Variants in NRXN1 observed in about 807,000 individuals in gnomAD.
The protein encoded by NRXN1 is neurexin 1.
Under a neutral mutation model 150.9 loss-of-function variants are expected in NRXN1, and 39 were observed. The observed-to-expected ratio is 0.26, with a 90% CI of 0.20 to 0.34. NRXN1 has a LOEUF of 0.34. Ranked by LOEUF, NRXN1 falls within the 10% of genes least tolerant of loss-of-function variation. The pLI is 1.00. For missense variants in NRXN1, 1,815 were observed against 1,949.9 expected, an observed-to-expected ratio of 0.93 and a Z score of 1.30; for synonymous variants, 924 against 757.0, an observed-to-expected ratio of 1.22 and a Z score of -3.62.
At chr2:50,378,885 T>G (rs1169611311) in intron 17 of NRXN1, among the ~76,000 whole-genome samples, 1 of 152,116 alleles carries the variant, frequency 6.6e-6, no homozygotes, top group African/African-American at 2.4e-5. Context: ...CACACACATA[T>G]GGGTTGCCGG....
At chr2:50,995,228 A>C (rs1558554097) in intron 2 of NRXN1, among the ~76,000 whole-genome samples, 1 of 151,992 alleles carries the variant, frequency 6.6e-6, no homozygotes, top group Non-Finnish European at 1.5e-5. Context: ...ATAGTTTTCC[A>C]GATGAGGACA....
In NRXN1 at chr2:50,526,751, A is replaced by C. The variant is rs1336990831; in HGVS notation, c.2374+1874T>G. ...CCAGTGACTGCTGTCAAGTTAAGGA[A>C]TGTGCAGTCCTGTCCGATGTGTACA... is the stretch of plus-strand genomic sequence containing the variant. On this transcript the variant is annotated intron_variant, in intron 12 of 22. Transcript: ENST00000401669. 2.6e-5 allele frequency: 4 copies of C among 152,214 alleles called. No individual in the cohort carries two copies. In the East Asian group the frequency reaches 7.7e-4, roughly 29 times the overall value. The allele number at this position is 152,214 out of a possible 1,614,324, so 9.4% of individuals were successfully genotyped here.
intron 15 of NRXN1, among the ~76,000 whole-genome samples, chr2:50,495,164 G>C (rs1012756236): frequency 7.2e-5 from 11 of 152,064 alleles, no homozygotes; most frequent in African/African-American, 7.2e-5. Flanking sequence ...AATTAGATGG[G>C]ATACACACAT....
intron 17 of NRXN1, among the ~76,000 whole-genome samples, chr2:50,310,020 G>T (rs1014008080): frequency 6.6e-6 from 1 of 152,156 alleles, no homozygotes; most frequent in East Asian, 1.9e-4. Context: ...TTCAGTTCCA[G>T]ATGGTATATG....
At chr2:49,953,475 T>C (rs778942500) in intron 21 of NRXN1, among the ~76,000 whole-genome samples, 7 of 152,050 alleles carry the variant, frequency 4.6e-5, no homozygotes, top group Non-Finnish European at 8.8e-5. Flanking sequence ...CTGGTGCACA[T>C]TGGTTCTTTA....
At chr2:49,958,676 A>G (rs568922602) in intron 21 of NRXN1, among the ~76,000 whole-genome samples, 31 of 152,252 alleles carry the variant, frequency 2.0e-4, no homozygotes, top group African/African-American at 7.0e-4. Flanking sequence ...TTTCTTGATG[A>G]TTTGGTGTCA....
At chr2:50,381,219 T>C (rs1281962433) in intron 17 of NRXN1, among the ~76,000 whole-genome samples, 1 of 148,788 alleles carries the variant, frequency 6.7e-6, no homozygotes, top group African/African-American at 2.5e-5. Context: ...AAGTTTCATA[T>C]ACTTATGAGG....
intron 17 of NRXN1, among the ~76,000 whole-genome samples, chr2:50,254,817 T>C (rs2067534688): frequency 6.6e-6 from 1 of 152,120 alleles, no homozygotes; most frequent in Non-Finnish European, 1.5e-5. Context: ...ATTTTTTTTG[T>C]AGACACTGTC....
intron 8 of NRXN1, among the ~76,000 whole-genome samples, chr2:50,576,441 C>A (rs1448870832): frequency 6.6e-6 from 1 of 152,056 alleles, no homozygotes; most frequent in African/African-American, 2.4e-5. Context: ...CAAACTAATA[C>A]CAGTGCATTC....
At chr2:50,967,632 A>G (rs1479805967) in intron 2 of NRXN1, among the ~76,000 whole-genome samples, 1 of 152,040 alleles carries the variant, frequency 6.6e-6, no homozygotes, top group Non-Finnish European at 1.5e-5. Flanking sequence ...GAAATTATTT[A>G]CCTTAAACTA....
chr2:50,828,513 G>A (rs1357102573), intron 5 of NRXN1, among the ~76,000 whole-genome samples: 2 of 151,336 alleles, frequency 1.3e-5, no homozygotes, highest in African/African-American at 4.9e-5. Flanking sequence ...CTTCTCAGAC[G>A]GGGCGGCTGG....
chr2:50,762,155 C>T (rs898851898), intron 5 of NRXN1, among the ~76,000 whole-genome samples: 1 of 144,694 alleles, frequency 6.9e-6, no homozygotes, highest in Admixed American at 6.9e-5. Context: ...ACACACACAT[C>T]TATCCTATTA....
intron 2 of NRXN1, among the ~76,000 whole-genome samples, chr2:50,967,626 T>G (rs1269727102): frequency 6.6e-6 from 1 of 152,004 alleles, no homozygotes; most frequent in Non-Finnish European, 1.5e-5. Context: ...AGCACAGAAA[T>G]TATTTACCTT....
chr2:50,071,422 T>A (rs1696278355), intron 19 of NRXN1, among the ~76,000 whole-genome samples: 1 of 152,192 alleles, frequency 6.6e-6, no homozygotes, highest in African/African-American at 2.4e-5. Context: ...TAAGTTAAAA[T>A]GAGGCTGTTA....
chr2:50,586,569 A>T (rs948835414), intron 8 of NRXN1, among the ~76,000 whole-genome samples: 1 of 128,608 alleles, frequency 7.8e-6, no homozygotes, highest in Admixed American at 8.2e-5. Context: ...CAATATATTA[A>T]AAAAAAAAGT....
intron 8 of NRXN1, among the ~76,000 whole-genome samples, chr2:50,613,780 T>A (rs942765406): frequency 6.6e-6 from 1 of 151,940 alleles, no homozygotes; most frequent in Non-Finnish European, 1.5e-5. Flanking sequence ...CTACTAAAAA[T>A]ACAAAAAATT....
intron 18 of NRXN1, among the ~76,000 whole-genome samples, chr2:50,183,913 T>C (rs1295679081): frequency 2.0e-5 from 3 of 151,938 alleles, no homozygotes; most frequent in African/African-American, 7.2e-5. Context: ...GTGCTTTAAG[T>C]AAGTGTTATT....
chr2:50,819,439 T>G (rs528700400), intron 5 of NRXN1, among the ~76,000 whole-genome samples: 1 of 152,218 alleles, frequency 6.6e-6, no homozygotes, highest in East Asian at 1.9e-4. Flanking sequence ...GAGACAAACA[T>G]TGCATGATTC....
intron 17 of NRXN1, chr2:50,432,214 T>C (rs1271570723): frequency 2.0e-5 from 3 of 152,198 alleles, no homozygotes; most frequent in Non-Finnish European, 4.4e-5. Flanking sequence ...CTAGAAGGGC[T>C]TCTTTTCCTT....
Sources: allele counts gnomAD v4.1 joint callset (sites outside exome capture counted in the v4.1 genomes callset), GRCh38; gene constraint gnomAD v4.1.1; transcripts MANE v1.5; gene names NCBI Gene and HGNC (gene_info 2026-07-23, HGNC 2026-07-21).